Variants in SHC4 observed in about 807,000 individuals in gnomAD.
The protein encoded by SHC4 is SHC-transforming protein 4.
SHC4 carries 41 observed loss-of-function variants against 69.4 expected under a neutral mutation model. That is an observed-to-expected ratio of 0.59 (90% CI 0.46 to 0.77). The LOEUF (loss-of-function observed/expected upper bound fraction) is 0.77. Among genes scored for constraint, SHC4 ranks in the 30% least tolerant of loss-of-function variants. The pLI is 0.00. For missense variants in SHC4, 777 were observed against 783.8 expected, an observed-to-expected ratio of 0.99 and a Z score of 0.10; for synonymous variants, 318 against 299.3, an observed-to-expected ratio of 1.06 and a Z score of -0.64.
rs762913067 is a variant in SHC4 at position 48,962,585 on chromosome 15, G to C, written c.431C>G (p.Pro144Arg). ...TCCCACCAGGTCCTGCTGCGGTGGA[G>C]GTGCAGTCCCGGACCTACTTAAACT... ...ETSLSRSGTA[P>R]PPQQDLVGHR... Residue 144 changes from proline (P) to arginine (R), a missense_variant, in exon 1 of 12, where the codon CCT (proline) becomes CGT (arginine). Pro to Arg is a moderately radical substitution (Grantham distance 103). Coordinates refer to ENST00000332408, the MANE Select transcript of SHC4 (RefSeq NM_203349.4). The C allele has an allele frequency of 6.2e-7, 1 of 1,612,880 alleles. No individual in the cohort carries two copies. The highest frequency in any genetic ancestry group is 1.3e-5 in the African/African-American group (1 of 74,902).
chr15:48,949,812 T>G (rs1462229840), intron 1 of SHC4, among the ~76,000 whole-genome samples: 1 of 146,502 alleles, frequency 6.8e-6, no homozygotes, highest in African/African-American at 2.5e-5. Flanking sequence ...TATATATAAT[T>G]ACAAATTAAT....
At chr15:48,940,003 C>T (rs576387551) in intron 1 of SHC4, among the ~76,000 whole-genome samples, 1 of 152,346 alleles carries the variant, frequency 6.6e-6, no homozygotes, top group African/African-American at 2.4e-5. Flanking sequence ...TCTGTGCAAC[C>T]CATCATGGGG....
chr15:48,939,880 A>G (rs974784749), intron 1 of SHC4, among the ~76,000 whole-genome samples: 8 of 152,252 alleles, frequency 5.3e-5, no homozygotes, highest in Non-Finnish European at 1.2e-4. Context: ...AAGGTTAGGC[A>G]AAAAGCCAGG....
intron 2 of SHC4, among the ~76,000 whole-genome samples, chr15:48,903,081 T>A (rs1028875575): frequency 6.6e-6 from 1 of 152,216 alleles, no homozygotes; most frequent in Non-Finnish European, 1.5e-5. Flanking sequence ...ACCCATTTTT[T>A]AATTGTTCAA....
intron 2 of SHC4, among the ~76,000 whole-genome samples, chr15:48,924,443 G>C (rs550353613): frequency 2.0e-5 from 3 of 152,144 alleles, no homozygotes; most frequent in African/African-American, 7.2e-5. Flanking sequence ...ACTGTACATA[G>C]AGGAGGGAGA....
At chr15:48,918,807 T>C (rs1303210707) in intron 2 of SHC4, among the ~76,000 whole-genome samples, 1 of 152,248 alleles carries the variant, frequency 6.6e-6, no homozygotes, top group Non-Finnish European at 1.5e-5. Context: ...AATTTTTCTG[T>C]TCAGCAAATT....
intron 2 of SHC4, among the ~76,000 whole-genome samples, chr15:48,924,348 G>A (rs1655812053): frequency 1.3e-5 from 2 of 152,118 alleles, no homozygotes; most frequent in African/African-American, 4.8e-5. Context: ...TGAGCTCCAC[G>A]TAACAGGGAT....
At chr15:48,888,882 CAAAA>C (rs36036782) in intron 3 of SHC4, among the ~76,000 whole-genome samples, 3 of 89,158 alleles carry the variant, frequency 3.4e-5, no homozygotes, top group African/African-American at 1.3e-4. Context: ...GTGAAACTGT[CAAAA>C]AAAAAAAAAA....
intron 7 of SHC4, among the ~76,000 whole-genome samples, chr15:48,856,773 T>TAA (rs398027192): frequency 0.053 from 6,193 of 115,936 alleles, 318 homozygotes; most frequent in African/African-American, 0.15. Context: ...AGTTTCTTAC[T>TAA]AAAAAAAAAA....
At chr15:48,946,394 A>C (rs778366577) in intron 1 of SHC4, among the ~76,000 whole-genome samples, 1 of 152,052 alleles carries the variant, frequency 6.6e-6, no homozygotes, top group East Asian at 1.9e-4. Flanking sequence ...CAGAATCAAT[A>C]CTCACTCCTT....
At chr15:48,876,500 T>A (rs1410368494) in intron 4 of SHC4, 1 of 541,146 alleles carries the variant, frequency 1.8e-6, no homozygotes, top group East Asian at 2.9e-5. Context: ...CATATACACA[T>A]ATATATGTAT....
intron 10 of SHC4, among the ~76,000 whole-genome samples, chr15:48,836,023 C>CA (rs57343981): frequency 0.22 from 13,146 of 60,222 alleles, 698 homozygotes; most frequent in African/African-American, 0.31. Flanking sequence ...ACAAAAAATC[C>CA]AAAAAAAAAA....
At chr15:48,950,037 A>C (rs1901341319) in intron 1 of SHC4, among the ~76,000 whole-genome samples, 1 of 142,314 alleles carries the variant, frequency 7.0e-6, no homozygotes, top group African/African-American at 2.5e-5. Flanking sequence ...AATAATATAA[A>C]TATAATACAA....
chr15:48,851,237 G>A lies in SHC4; in HGVS notation c.1254C>T (p.Ser418=). Residue 418 remains serine (S), a synonymous_variant, in exon 9 of 12, where the codon TCC becomes TCT. Transcript: ENST00000332408. The part of the protein sequence containing the change: ...CEKLCYLPGN[S]KCSSVYENCL... ...AGTTCTCATATACACTGCTGCACTT[G>A]GAGTTTCCAGGCTGCATGAACAACA... The A allele has an allele frequency of 6.2e-7, 1 of 1,614,004 alleles. No individual in the cohort carries two copies. Among genetic ancestry groups the A allele is most frequent in the Non-Finnish European group, 8.5e-7 (1 of 1,179,966 alleles).
In SHC4 at chr15:48,851,237, G is replaced by C; in HGVS notation, c.1254C>G (p.Ser418=). The change falls in exon 9 of 12, where the codon TCC becomes TCG. Residue 418 remains serine (S), a synonymous_variant. Coordinates refer to ENST00000332408, the MANE Select transcript of SHC4 (RefSeq NM_203349.4). Reference sequence around the variant, plus strand: ...AGTTCTCATATACACTGCTGCACTTGGAGTTTCCAGGCTGCATGAACAACA... The same window carrying C: ...AGTTCTCATATACACTGCTGCACTTCGAGTTTCCAGGCTGCATGAACAACA... ...CEKLCYLPGN[S]KCSSVYENCL... The C allele has an allele frequency of 1.2e-6, 2 of 1,614,004 alleles. No homozygotes were observed. The highest frequency in any genetic ancestry group is 1.7e-6 in the Non-Finnish European group (2 of 1,179,966).
In SHC4 at chr15:48,963,193, G is replaced by A; in HGVS notation, c.-178C>T. 1.6e-6 allele frequency: 1 copy of A among 616,788 alleles called. No individual in the cohort carries two copies. The highest frequency in any genetic ancestry group is 2.1e-5 in the South Asian group (1 of 47,554). 38.2% of individuals were successfully genotyped at this position (616,788 alleles called of 1,614,324 possible). ...GGCCCCTTAAGGGTGACAGCCCATG[G>A]GGGAAACGCCTCCCCTGCTCTGATT... On this transcript the variant is annotated 5_prime_UTR_variant, in exon 1 of 12. Transcript: ENST00000332408.
At chr15:48,877,651 AGT>A in intron 4 of SHC4, 15 of 660,136 alleles carry the variant, frequency 2.3e-5, no homozygotes, top group South Asian at 1.4e-4. Flanking sequence ...AAAAAAAAAA[AGT>A]ACAATATATC....
intron 11 of SHC4, among the ~76,000 whole-genome samples, chr15:48,828,083 ATATG>A (rs1165092136): frequency 3.7e-5 from 5 of 136,832 alleles, no homozygotes; most frequent in Non-Finnish European, 7.8e-5. Context: ...GATCTGTTAC[ATATG>A]TATGTATGTG....
At chr15:48,907,663 G>A (rs950829893) in intron 2 of SHC4, among the ~76,000 whole-genome samples, 1 of 151,750 alleles carries the variant, frequency 6.6e-6, no homozygotes, top group African/African-American at 2.4e-5. Context: ...TACGATGTCT[G>A]GTTTTCCATT....
Sources: allele counts gnomAD v4.1 joint callset (sites outside exome capture counted in the v4.1 genomes callset), GRCh38; gene constraint gnomAD v4.1.1; transcripts MANE v1.5; gene names NCBI Gene and HGNC (gene_info 2026-07-23, HGNC 2026-07-21).